The following GIPC1 variants were observed in gnomAD, a reference collection of about 807,000 sequenced individuals.
GIPC1 encodes PDZ domain-containing protein GIPC1.
GIPC1 carries 15 observed loss-of-function variants against 28.5 expected under a neutral mutation model. The ratio of observed to expected loss-of-function variants is 0.53; its 90% confidence interval spans 0.35 to 0.81. The LOEUF (loss-of-function observed/expected upper bound fraction) is 0.81. Ranked by LOEUF, GIPC1 falls within the 30% of genes least tolerant of loss-of-function variation. GIPC1 has a pLI of 0.01. For missense variants in GIPC1, 439 were observed against 481.9 expected (o/e 0.91, Z 0.83); for synonymous variants, 224 against 206.1 (o/e 1.09, Z -0.74).
intron 3 of GIPC1, among the ~76,000 whole-genome samples, chr19:14,485,702 T>TATATATATATATATATATAGAG (rs1300117748): frequency 1.0e-4 from 6 of 58,778 alleles, no homozygotes; most frequent in African/African-American, 3.4e-4. Context: ...TATATATATA[T>TATATATATATATATATATAGAG]AGAGAGAGAG....
chr19:14,478,201 A>AC lies in GIPC1; in HGVS notation c.*214dup. The AC allele has an allele frequency of 1.8e-6, 1 of 547,814 alleles. No homozygotes were observed. 33.9% of individuals were successfully genotyped at this position (547,814 alleles called of 1,614,324 possible). A position where few individuals can be genotyped will look rare whatever the true frequency, so the allele number is the denominator to read the frequency against. The stretch of plus-strand genomic sequence containing the variant: ...AGCTGAGGTAGGTGGGGAACAGGGC[A>AC]CAGGGGGGCCGGGGACCCCGGCCAG... On this transcript the variant is annotated 3_prime_UTR_variant, in exon 9 of 9. Coordinates refer to ENST00000393033, the MANE Select transcript of GIPC1 (RefSeq NM_005716.4). The surrounding 1 kb of genome is among the most constrained non-coding windows in gnomAD (Gnocchi z 5.2).
chr19:14,478,827 C>G lies in GIPC1; in HGVS notation c.769-62G>C. ...AATGTGAATATACATAGTAATTGGA[C>G]GGACTGCCATTGTCACCACTTTACA... On this transcript the variant is annotated intron_variant, in intron 7 of 8. Transcript: ENST00000393033. The surrounding 1 kb of genome is among the most constrained non-coding windows in gnomAD (Gnocchi z 5.2). The G allele has an allele frequency of 8.2e-7, 1 of 1,214,488 alleles. No homozygotes were observed. 75.2% of individuals were successfully genotyped at this position (1,214,488 alleles called of 1,614,324 possible).
intron 1 of GIPC1, among the ~76,000 whole-genome samples, chr19:14,493,268 C>A (rs184122852): frequency 6.6e-6 from 1 of 152,136 alleles, no homozygotes; most frequent in African/African-American, 2.4e-5. Flanking sequence ...TATTTTAAAA[C>A]GTAAACCAGA....
At position 14,478,401 on chromosome 19, in the gene GIPC1, G is replaced by T. The variant is rs780538263; in HGVS notation, c.*15C>A. 6.3e-7 allele frequency: 1 copy of T among 1,594,092 alleles called. No individual in the cohort carries two copies. The highest frequency in any genetic ancestry group is 2.3e-5 in the East Asian group (1 of 44,142). Reference sequence around the variant, plus strand: ...GGTTGCGCCCGGGTCATCATCGCAGGGTCCGGGGGCAGTCCTAGTAGCGGC... The same window carrying T: ...GGTTGCGCCCGGGTCATCATCGCAGTGTCCGGGGGCAGTCCTAGTAGCGGC... On this transcript the variant is annotated 3_prime_UTR_variant, in exon 9 of 9. Transcript: ENST00000393033. This position sits in a 1 kb window ranked among gnomAD's most constrained non-coding sequence, Gnocchi z 5.2.
Position 14,485,175 on chromosome 19 carries a change from A to C in GIPC1, c.-30-2169T>G, listed in dbSNP as rs113783470. Among the ~76,000 whole-genome samples, 264 of 151,648 alleles carry C rather than the reference A, an allele frequency of 1.7e-3. 1 individual carries two copies. The highest frequency in any genetic ancestry group is 6.1e-3 in the African/African-American group (251 of 41,348). ...ACTCAGTCTCAAAAAAAAATAATAA[A>C]AATAAATAAATAAAAGAGTCAGGGT... is the stretch of plus-strand genomic sequence containing the variant. On this transcript the variant is annotated intron_variant, in intron 3 of 8. Transcript: ENST00000393033.
At position 14,479,129 on chromosome 19, in the gene GIPC1, G is replaced by C. The variant is rs116296487; in HGVS notation, c.768+283C>G. ...GGAGGCCAAGGAGGCTGGATCACCT[G>C]ATGTCAGGAGTTCGAGACCAACTCC... On this transcript the variant is annotated intron_variant, in intron 7 of 8. Transcript: ENST00000393033. Among the ~76,000 whole-genome samples, 601 of 152,304 alleles carry C rather than the reference G, an allele frequency of 3.9e-3. 4 individuals carry two copies. Among genetic ancestry groups the C allele is most frequent in the African/African-American group, 0.014 (569 of 41,572 alleles).
Position 14,485,702 on chromosome 19 carries a change from T to TATATATAG in GIPC1, c.-30-2697_-30-2696insCTATATAT, listed in dbSNP as rs1300117748. Among the ~76,000 whole-genome samples the TATATATAG allele has an allele frequency of 5.0e-3, 295 of 58,722 alleles. 2 individuals carry two copies. Among genetic ancestry groups the TATATATAG allele is most frequent in the East Asian group, 0.014 (42 of 3,036 alleles). 38.5% of individuals were successfully genotyped at this position (58,722 alleles called of 152,430 possible). ...ATAAACAAATATATATATATATATA[T>TATATATAG]AGAGAGAGAGAGAGAGAGAGAGAGA... On this transcript the variant is annotated intron_variant, in intron 3 of 8. Coordinates refer to ENST00000393033, the MANE Select transcript of GIPC1 (RefSeq NM_005716.4).
At chr19:14,493,157 C>T (rs1212538626) in intron 1 of GIPC1, among the ~76,000 whole-genome samples, 1 of 152,184 alleles carries the variant, frequency 6.6e-6, no homozygotes. Context: ...GCTGGAACTG[C>T]CCCTGTGGTA....
At position 14,478,106 on chromosome 19, in the gene GIPC1, T is replaced by G. The variant is rs2071637957; in HGVS notation, c.*310A>C. On this transcript the variant is annotated 3_prime_UTR_variant, in exon 9 of 9. Transcript: ENST00000393033. The surrounding 1 kb of genome is among the most constrained non-coding windows in gnomAD (Gnocchi z 5.2). ...ACAGAGGGACCAGTTTGGCAGCTGA[T>G]GGTGGAAAGTGGTGGAGGCGGGGGT... is the stretch of plus-strand genomic sequence containing the variant. 6.0e-6 allele frequency: 2 copies of G among 335,630 alleles called. No homozygotes were observed. The highest frequency in any genetic ancestry group is 1.1e-5 in the Non-Finnish European group (2 of 180,378). The allele number at this position is 335,630 out of a possible 1,614,324, so 20.8% of individuals were successfully genotyped here.
At chr19:14,481,290 T>A (rs999700499) in intron 4 of GIPC1, among the ~76,000 whole-genome samples, 9 of 152,034 alleles carry the variant, frequency 5.9e-5, no homozygotes, top group African/African-American at 1.4e-4. Flanking sequence ...TAATTTTTTT[T>A]AGAGATGGGA....
chr19:14,483,035 C>G (rs1367318534), intron 3 of GIPC1, 29 bp from the exon 4 acceptor site: 16 of 1,532,534 alleles, frequency 1.0e-5, no homozygotes, highest in Middle Eastern at 3.4e-4. Context: ...GGCTCAGGGC[C>G]TGGGCAGAGG....
intron 6 of GIPC1, 171 bp from the exon 7 acceptor site, chr19:14,479,695 GC>G: frequency 2.2e-6 from 1 of 450,732 alleles, no homozygotes; most frequent in East Asian, 3.6e-5. Context: ...CCTGACTCAG[GC>G]CTGGCATGGA....
chr19:14,479,901 G>T, intron 6 of GIPC1: 1 of 406,914 alleles, frequency 2.5e-6, no homozygotes, highest in East Asian at 4.8e-5. Context: ...AGCCCTACCT[G>T]CCCAGGGAAG....
chr19:14,493,695 T>C (rs186250935), intron 1 of GIPC1, among the ~76,000 whole-genome samples: 245 of 152,326 alleles, frequency 1.6e-3, no homozygotes, highest in African/African-American at 5.7e-3. Context: ...GTTTCATTCT[T>C]GTTGCCCAGG....
intron 3 of GIPC1, 131 bp from the exon 4 acceptor site, chr19:14,483,137 GTA>G (rs2071768894): frequency 1.6e-6 from 1 of 626,218 alleles, no homozygotes. Context: ...CTCATCTCTT[GTA>G]TAGTGACAGG....
rs2071663265 is a variant in GIPC1 at position 14,478,953 on chromosome 19, G to T, written c.769-188C>A. Among the ~76,000 whole-genome samples the T allele has an allele frequency of 6.6e-6, 1 of 152,196 alleles. No homozygotes were observed. The highest frequency in any genetic ancestry group is 2.4e-5 in the African/African-American group (1 of 41,438). ...GGCAAACTGCGGCCCATGTGCCCAA[G>T]GAAGGTCCCTGGGAGCTGGGAAGTG... On this transcript the variant is annotated intron_variant, in intron 7 of 8. Transcript: ENST00000393033. This position sits in a 1 kb window ranked among gnomAD's most constrained non-coding sequence, Gnocchi z 5.2.
intron 6 of GIPC1, chr19:14,479,985 T>TG (rs1288706722): frequency 1.4e-5 from 7 of 489,292 alleles, no homozygotes; most frequent in South Asian, 7.7e-5. Context: ...GATGGAAAAG[T>TG]GGGGGGGCTG....
chr19:14,487,696 T>TTTTTTTTTTTTTTTCA (rs2071877788), intron 3 of GIPC1, among the ~76,000 whole-genome samples: 1 of 150,098 alleles, frequency 6.7e-6, no homozygotes, highest in Non-Finnish European at 1.5e-5. Flanking sequence ...TTTTTTTTTT[T>TTTTTTTTTTTTTTTCA]GACAGAGTCT....
chr19:14,491,402 G>GCA (rs1385133054), intron 3 of GIPC1, among the ~76,000 whole-genome samples: 1 of 152,030 alleles, frequency 6.6e-6, no homozygotes, highest in East Asian at 1.9e-4. Flanking sequence ...GGGATTACAG[G>GCA]TGCGTGCCAC....
Sources: allele counts gnomAD v4.1 joint callset (sites outside exome capture counted in the v4.1 genomes callset), GRCh38; gene constraint gnomAD v4.1.1; non-coding constraint Gnocchi (gnomAD v3.1); transcripts MANE v1.5; gene names NCBI Gene and HGNC (gene_info 2026-07-23, HGNC 2026-07-21).